VTI1A: variants seen among roughly 807,000 people sequenced by gnomAD.
VTI1A encodes vesicle transport through interaction with t-SNAREs homolog 1A.
In VTI1A, 22 loss-of-function variants were observed where a neutral mutation model predicts 34.9. The observed-to-expected ratio is 0.63, with a 90% CI of 0.45 to 0.90. The LOEUF is 0.90. Among genes scored for constraint, VTI1A ranks in the 40% least tolerant of loss-of-function variants. VTI1A has a pLI of 0.00. For missense variants in VTI1A, 268 were observed against 275.6 expected, an observed-to-expected ratio of 0.97 and a Z score of 0.20; for synonymous variants, 87 against 97.3, an observed-to-expected ratio of 0.89 and a Z score of 0.62.
chr10:112,764,336 A>G (rs1047961428), intron 7 of VTI1A, among the ~76,000 whole-genome samples: 4 of 152,120 alleles, frequency 2.6e-5, no homozygotes, highest in Non-Finnish European at 5.9e-5. Flanking sequence ...AATGGAGGAG[A>G]CTTGCGGTGT....
intron 5 of VTI1A, among the ~76,000 whole-genome samples, chr10:112,604,949 G>A (rs983983312): frequency 2.6e-5 from 4 of 151,952 alleles, no homozygotes; most frequent in Non-Finnish European, 5.9e-5. Flanking sequence ...ATCTATCTCT[G>A]GATATTCTAC....
At chr10:112,643,332 A>C (rs1331651537) in intron 5 of VTI1A, among the ~76,000 whole-genome samples, 1 of 151,894 alleles carries the variant, frequency 6.6e-6, no homozygotes, top group Admixed American at 6.6e-5. Flanking sequence ...AATTATATTA[A>C]ATTTTGAGAC....
intron 4 of VTI1A, among the ~76,000 whole-genome samples, chr10:112,527,985 T>G (rs1313095488): frequency 1.3e-5 from 2 of 151,970 alleles, no homozygotes; most frequent in African/African-American, 4.8e-5. Context: ...TAAAAATGCC[T>G]CAAAAAAGCC....
intron 5 of VTI1A, among the ~76,000 whole-genome samples, chr10:112,585,803 A>T (rs541416189): frequency 6.6e-6 from 1 of 152,150 alleles, no homozygotes; most frequent in East Asian, 1.9e-4. Context: ...GCATTCTAGC[A>T]TAAAAAGTGT....
intron 5 of VTI1A, among the ~76,000 whole-genome samples, chr10:112,541,349 G>T (rs1224495100): frequency 6.6e-6 from 1 of 152,132 alleles, no homozygotes; most frequent in Non-Finnish European, 1.5e-5. Context: ...TTGCAAAATG[G>T]AAACTGTCAA....
Position 112,767,667 on chromosome 10 carries a change from T to G in VTI1A, c.561-47623T>G, listed in dbSNP as rs545566129. 7.9e-5 allele frequency among the ~76,000 whole-genome samples: 12 copies of G among 152,172 alleles called. No individual in the cohort carries two copies. Among genetic ancestry groups the G allele is most frequent in the African/African-American group, 2.4e-4 (10 of 41,510 alleles). ...AAAGGGTCTTTCCTGCCTGCCTACC[T>G]TATTTCTTCCTTACTCTTTTTTTTT... is the stretch of plus-strand genomic sequence containing the variant. On this transcript the variant is annotated intron_variant, in intron 7 of 7. Transcript: ENST00000393077. This position sits in a 1 kb window ranked among gnomAD's most constrained non-coding sequence, Gnocchi z 4.0.
intron 7 of VTI1A, among the ~76,000 whole-genome samples, chr10:112,750,664 C>T (rs143641165): frequency 6.6e-6 from 1 of 152,302 alleles, no homozygotes; most frequent in East Asian, 1.9e-4. Context: ...CAAGAGAATT[C>T]TATCTTGGAA....
intron 5 of VTI1A, among the ~76,000 whole-genome samples, chr10:112,568,891 AT>A: frequency 6.6e-6 from 1 of 152,228 alleles, no homozygotes; most frequent in South Asian, 2.1e-4. Context: ...GCGGTGGCTA[AT>A]GCCTATGATC....
intron 5 of VTI1A, among the ~76,000 whole-genome samples, chr10:112,608,668 G>A (rs994459392): frequency 2.4e-4 from 36 of 152,034 alleles, no homozygotes; most frequent in Middle Eastern, 6.8e-3. Flanking sequence ...GTTATTCTGA[G>A]GTCAGAGCCT....
At chr10:112,491,767 C>T (rs113014288) in intron 3 of VTI1A, among the ~76,000 whole-genome samples, 44 of 152,280 alleles carry the variant, frequency 2.9e-4, no homozygotes, top group African/African-American at 1.1e-3. Flanking sequence ...AGGGCTCAGT[C>T]ATCACATGTG....
At chr10:112,450,428 G>A (rs1213442913) in intron 1 of VTI1A, 2 of 152,194 alleles carry the variant, frequency 1.3e-5, no homozygotes, top group African/African-American at 2.4e-5. Context: ...CGAGTGCAGT[G>A]TTGAGCTAAA....
intron 7 of VTI1A, among the ~76,000 whole-genome samples, chr10:112,806,727 G>A (rs1425534873): frequency 6.6e-6 from 1 of 151,862 alleles, no homozygotes; most frequent in African/African-American, 2.4e-5. Context: ...GGGACCACAA[G>A]CACAGGCCAC....
chr10:112,553,136 TA>T (rs1276232367), intron 5 of VTI1A, among the ~76,000 whole-genome samples: 2 of 152,206 alleles, frequency 1.3e-5, no homozygotes, highest in African/African-American at 4.8e-5. Flanking sequence ...TTTGAGGATT[TA>T]AAAAAAGTTA....
At chr10:112,770,940 G>A (rs1851797224) in intron 7 of VTI1A, among the ~76,000 whole-genome samples, 1 of 152,084 alleles carries the variant, frequency 6.6e-6, no homozygotes, top group Admixed American at 6.5e-5. Flanking sequence ...AGGAGAGATA[G>A]GACTTATCTC....
At chr10:112,845,040 C>A in the VTI1A span, among the ~76,000 whole-genome samples, 1 of 152,214 alleles carries the variant, frequency 6.6e-6, no homozygotes, top group African/African-American at 2.4e-5. Flanking sequence ...AGGACTATGA[C>A]CGTGTCAGCC....
At chr10:112,668,877 A>G in intron 6 of VTI1A, 60 bp from the exon 7 acceptor site, 3 of 1,557,278 alleles carry the variant, frequency 1.9e-6, no homozygotes, top group African/African-American at 1.4e-5. Flanking sequence ...GTCGCTTGCC[A>G]TGCACTTTAG....
chr10:112,590,921 C>G (rs1456736883), intron 5 of VTI1A, among the ~76,000 whole-genome samples: 1 of 151,474 alleles, frequency 6.6e-6, no homozygotes, highest in Admixed American at 6.6e-5. Flanking sequence ...GCAAACATGG[C>G]AAAATCCTGT....
intron 7 of VTI1A, among the ~76,000 whole-genome samples, chr10:112,758,702 T>C (rs956301212): frequency 4.6e-5 from 7 of 152,254 alleles, no homozygotes; most frequent in Non-Finnish European, 1.0e-4. Context: ...GTCTGTTTCC[T>C]CTTCTGTAAA....
intron 5 of VTI1A, among the ~76,000 whole-genome samples, chr10:112,568,739 C>T (rs1291136149): frequency 6.6e-6 from 1 of 152,166 alleles, no homozygotes; most frequent in African/African-American, 2.4e-5. Context: ...CTTTTACCTA[C>T]TTGTATTGTT....
Sources: gnomAD v4.1 joint callset for allele counts (sites outside exome capture counted in the v4.1 genomes callset) on GRCh38, gnomAD v4.1.1 for gene constraint, Gnocchi (gnomAD v3.1) non-coding constraint, MANE v1.5 for transcripts, NCBI Gene and HGNC (gene_info 2026-07-23, HGNC 2026-07-21) for gene names.